The following CERS6 variants were observed in gnomAD, a reference collection of about 807,000 sequenced individuals.
The protein encoded by CERS6 is ceramide synthase 6.
Under a neutral mutation model 56.8 loss-of-function variants are expected in CERS6, and 26 were observed. The observed-to-expected ratio is 0.46, with a 90% confidence interval of 0.34 to 0.63. The LOEUF is 0.63. Among genes scored for constraint, CERS6 ranks in the 30% least tolerant of loss-of-function variants. The pLI is 0.01. For synonymous variants in CERS6, 164 were observed against 173.3 expected (o/e 0.95, Z 0.42); for missense variants, 415 against 467.5 (o/e 0.89, Z 1.04).
chr2:168,535,319 G>A (rs1474327075), intron 1 of CERS6, among the ~76,000 whole-genome samples: 1 of 152,196 alleles, frequency 6.6e-6, no homozygotes, highest in African/African-American at 2.4e-5. Context: ...GAGTTGGGAC[G>A]CTAGGCCCCG....
In CERS6 at chr2:168,491,600, A is replaced by G. The variant is rs372446495; in HGVS notation, c.170+34982A>G. On this transcript the variant is annotated intron_variant, in intron 1 of 9. Coordinates refer to ENST00000305747, the MANE Select transcript of CERS6 (RefSeq NM_203463.3). ...ACTCCTTAGGGTTAACTATGGAACT[A>G]TGGTTAATAGTGTTCAAGTTTTCTA... is the stretch of plus-strand genomic sequence containing the variant. 9.9e-5 allele frequency among the ~76,000 whole-genome samples: 15 copies of G among 152,200 alleles called. No individual in the cohort carries two copies. The South Asian group carries it at 1.7e-3, about 17-fold the overall frequency.
At chr2:168,532,954 T>C (rs1695194408) in intron 1 of CERS6, among the ~76,000 whole-genome samples, 1 of 152,220 alleles carries the variant, frequency 6.6e-6, no homozygotes, top group Non-Finnish European at 1.5e-5. Flanking sequence ...ATTGAAAGCA[T>C]TTAAGTTATT....
chr2:168,491,351 G>T (rs945294285), intron 1 of CERS6, among the ~76,000 whole-genome samples: 1 of 152,172 alleles, frequency 6.6e-6, no homozygotes, highest in African/African-American at 2.4e-5. Context: ...TTTTTACTTT[G>T]AACTTAATCA....
chr2:168,757,398 C>G (rs1042665212), intron 8 of CERS6, among the ~76,000 whole-genome samples: 1 of 151,288 alleles, frequency 6.6e-6, no homozygotes, highest in African/African-American at 2.4e-5. Flanking sequence ...CAGGAAGTCA[C>G]CAATTACAAA....
intron 1 of CERS6, among the ~76,000 whole-genome samples, chr2:168,516,212 G>T (rs781096052): frequency 1.4e-4 from 21 of 152,100 alleles, no homozygotes; most frequent in Non-Finnish European, 2.6e-4. Flanking sequence ...ATCTTCCTCT[G>T]CAGTTCAGAG....
intron 4 of CERS6, among the ~76,000 whole-genome samples, chr2:168,651,655 G>A (rs751727762): frequency 6.6e-6 from 1 of 152,142 alleles, no homozygotes; most frequent in Non-Finnish European, 1.5e-5. Context: ...TGAAGCATCA[G>A]ATCTCATGAG....
intron 4 of CERS6, among the ~76,000 whole-genome samples, chr2:168,682,875 G>A (rs909823004): frequency 2.6e-5 from 4 of 152,082 alleles, no homozygotes; most frequent in Non-Finnish European, 5.9e-5. Context: ...TTACATCCGG[G>A]TCTTTATCTC....
chr2:168,769,359 G>C, intron 9 of CERS6, 151 bp from the exon 10 acceptor site: 1 of 652,056 alleles, frequency 1.5e-6, no homozygotes, highest in East Asian at 3.0e-5. Context: ...CCAATGAAGG[G>C]GAACTTATTG....
In CERS6 at chr2:168,765,739, A is replaced by G; in HGVS notation, c.993A>G (p.Ser331=). 2 of 1,611,634 alleles carry G rather than the reference A, an allele frequency of 1.2e-6. No individual in the cohort carries two copies. The highest frequency in any genetic ancestry group is 1.1e-5 in the South Asian group (1 of 90,146). Residue 331 remains serine, a synonymous_variant, in exon 9 of 10, where the codon TCA becomes TCG. Transcript: ENST00000305747. The part of the protein sequence containing the change: ...LIVKIACKAV[S]RGKVSKDDRS... Reference sequence around the variant, plus strand: ...TGAAAATAGCTTGCAAAGCTGTTTCAAGAGGCAAGGTAAGCTACAACTCAC... The same window carrying G: ...TGAAAATAGCTTGCAAAGCTGTTTCGAGAGGCAAGGTAAGCTACAACTCAC...
chr2:168,491,034 A>C (rs945323758), intron 1 of CERS6, among the ~76,000 whole-genome samples: 3 of 152,196 alleles, frequency 2.0e-5, no homozygotes, highest in Non-Finnish European at 4.4e-5. Flanking sequence ...CGAAAGTCCC[A>C]AAAGAACTGG....
At chr2:168,634,488 C>T (rs901172853) in intron 4 of CERS6, among the ~76,000 whole-genome samples, 1 of 152,284 alleles carries the variant, frequency 6.6e-6, no homozygotes, top group Non-Finnish European at 1.5e-5. Flanking sequence ...TCTTGGCCCA[C>T]TGCAACCTAC....
chr2:168,553,923 T>C (rs1695629326), intron 2 of CERS6, among the ~76,000 whole-genome samples: 1 of 152,172 alleles, frequency 6.6e-6, no homozygotes, highest in Non-Finnish European at 1.5e-5. Context: ...TCAAAGCATA[T>C]CAGTGAAAGC....
chr2:168,534,531 A>T (rs1299867447), intron 1 of CERS6, among the ~76,000 whole-genome samples: 1 of 151,352 alleles, frequency 6.6e-6, no homozygotes, highest in East Asian at 2.0e-4. Flanking sequence ...GGCCCTATTC[A>T]TCTGGCTCGC....
At position 168,711,455 on chromosome 2, in the gene CERS6, C is replaced by T. The variant is rs562935161; in HGVS notation, c.610-3546C>T. Among the ~76,000 whole-genome samples, 4 of 152,272 alleles carry T rather than the reference C, an allele frequency of 2.6e-5. No homozygotes were observed. In the South Asian group the frequency reaches 8.3e-4, roughly 32 times the overall value. On this transcript the variant is annotated intron_variant, in intron 6 of 9. Coordinates refer to ENST00000305747, the MANE Select transcript of CERS6 (RefSeq NM_203463.3). The stretch of plus-strand genomic sequence containing the variant: ...CCAGTCTCTTAATTGTATAGATAGC[C>T]AGACTCAGTGGCTCAAGCCTGTAAT...
intron 4 of CERS6, chr2:168,644,294 A>C (rs1295970026): frequency 1.0e-6 from 1 of 984,522 alleles, no homozygotes; most frequent in Non-Finnish European, 1.2e-6. Flanking sequence ...AGATGAAGAA[A>C]GGAGGTGAAG....
At chr2:168,535,002 G>C (rs1695234199) in intron 1 of CERS6, among the ~76,000 whole-genome samples, 1 of 152,232 alleles carries the variant, frequency 6.6e-6, no homozygotes, top group African/African-American at 2.4e-5. Flanking sequence ...GCTGCAGTCT[G>C]CCACAGCCGG....
At chr2:168,686,244 G>A (rs77771218) in intron 4 of CERS6, among the ~76,000 whole-genome samples, 1 of 150,344 alleles carries the variant, frequency 6.7e-6, no homozygotes, top group Non-Finnish European at 1.5e-5. Flanking sequence ...GAGCACGCGC[G>A]TGGAGAGGGA....
At chr2:168,524,710 A>C (rs1695039695) in intron 1 of CERS6, among the ~76,000 whole-genome samples, 1 of 152,198 alleles carries the variant, frequency 6.6e-6, no homozygotes, top group African/African-American at 2.4e-5. Flanking sequence ...AGAATGAGAC[A>C]GATGATCATT....
At chr2:168,741,373 TAAA>T (rs200311434) in intron 8 of CERS6, among the ~76,000 whole-genome samples, 79,371 of 147,006 alleles carry the variant, frequency 0.54, 22,075 homozygotes, top group Admixed American at 0.64. Context: ...TTTGGAGAAT[TAAA>T]AAAAAAAAAA....
Sources: allele counts gnomAD v4.1 joint callset (sites outside exome capture counted in the v4.1 genomes callset), GRCh38; gene constraint gnomAD v4.1.1; transcripts MANE v1.5; gene names NCBI Gene and HGNC (gene_info 2026-07-23, HGNC 2026-07-21).